The following ARL15 variants were observed in gnomAD, a reference collection of about 807,000 sequenced individuals.
The protein encoded by ARL15 is ADP-ribosylation factor-like protein 15.
A neutral mutation model predicts 25.2 loss-of-function variants in ARL15; 19 were observed. The observed-to-expected ratio is 0.75, with a 90% CI of 0.53 to 1.10. The LOEUF is 1.10. Among genes scored for constraint, ARL15 ranks in the 50% least tolerant of loss-of-function variants. The pLI is 0.00. For missense variants in ARL15, 220 were observed against 246.0 expected (o/e 0.89, Z 0.71); for synonymous variants, 94 against 86.8 (o/e 1.08, Z -0.46).
At chr5:54,239,378 A>G (rs1561279304) in intron 1 of ARL15, among the ~76,000 whole-genome samples, 2 of 152,114 alleles carry the variant, frequency 1.3e-5, no homozygotes, top group Non-Finnish European at 2.9e-5. Context: ...CCACCCCCCA[A>G]TTGTTAGTGT....
chr5:54,080,010 C>CACACAT (rs60910899), intron 4 of ARL15, among the ~76,000 whole-genome samples: 19 of 144,784 alleles, frequency 1.3e-4, no homozygotes, highest in East Asian at 2.1e-4. Context: ...CACACACACA[C>CACACAT]ACACACAGAC....
At chr5:53,956,941 C>G (rs1351515690) in intron 4 of ARL15, among the ~76,000 whole-genome samples, 1 of 151,894 alleles carries the variant, frequency 6.6e-6, no homozygotes, top group Non-Finnish European at 1.5e-5. Flanking sequence ...GAAAAATGAT[C>G]AGAGCCTAAA....
At chr5:53,956,032 AG>A (rs910986725) in intron 4 of ARL15, among the ~76,000 whole-genome samples, 4 of 152,102 alleles carry the variant, frequency 2.6e-5, no homozygotes, top group African/African-American at 9.7e-5. Context: ...GGCATTCAAA[AG>A]TGTCTATATA....
intron 4 of ARL15, among the ~76,000 whole-genome samples, chr5:54,111,833 T>A (rs1280203357): frequency 2.0e-5 from 3 of 152,122 alleles, no homozygotes; most frequent in Admixed American, 2.0e-4. Flanking sequence ...CATTACATAC[T>A]ATTATATCTA....
chr5:54,018,877 C>G (rs1749504073), intron 4 of ARL15, among the ~76,000 whole-genome samples: 1 of 152,066 alleles, frequency 6.6e-6, no homozygotes, highest in South Asian at 2.1e-4. Flanking sequence ...GAACTAAACA[C>G]CCGGAGTGAA....
intron 1 of ARL15, among the ~76,000 whole-genome samples, chr5:54,217,601 T>G (rs1050390597): frequency 6.6e-6 from 1 of 152,136 alleles, no homozygotes; most frequent in Non-Finnish European, 1.5e-5. Flanking sequence ...TTAGCAGAGT[T>G]CAAAAGTATT....
At chr5:54,136,642 A>G (rs1370638073) in intron 3 of ARL15, among the ~76,000 whole-genome samples, 1 of 152,232 alleles carries the variant, frequency 6.6e-6, no homozygotes, top group Non-Finnish European at 1.5e-5. Flanking sequence ...GAAAGAGCTT[A>G]AGCACACAAG....
At chr5:53,887,256 G>T in intron 4 of ARL15, 2 of 620,276 alleles carry the variant, frequency 3.2e-6, no homozygotes, top group Non-Finnish European at 5.8e-6. Context: ...AGACATGAGA[G>T]CGTGTTTTCT....
At chr5:53,893,248 G>A (rs574084614) in intron 4 of ARL15, among the ~76,000 whole-genome samples, 6 of 152,216 alleles carry the variant, frequency 3.9e-5, no homozygotes, top group African/African-American at 1.4e-4. Context: ...ACGTGGCCAT[G>A]GTTTGAGTAT....
chr5:54,244,729 T>C (rs1187659019), intron 1 of ARL15, among the ~76,000 whole-genome samples: 1 of 151,748 alleles, frequency 6.6e-6, no homozygotes, highest in Non-Finnish European at 1.5e-5. Context: ...GCACTGTCCC[T>C]CCCCATCATT....
chr5:54,044,453 C>G (rs1032570359), intron 4 of ARL15, among the ~76,000 whole-genome samples: 1 of 151,998 alleles, frequency 6.6e-6, no homozygotes, highest in Non-Finnish European at 1.5e-5. Flanking sequence ...CCACGTTGGC[C>G]AAGCCGGTCT....
Position 54,125,075 on chromosome 5 carries a change from G to GTTTTTT in ARL15, c.254-11666_254-11665insAAAAAA, listed in dbSNP as rs774608441. The stretch of plus-strand genomic sequence containing the variant: ...TTCTGGTAAGCAAGTTTTTTGTTTT[G>GTTTTTT]TTTTGTTTTGTTTTTTTTTTTTTTG... On this transcript the variant is annotated intron_variant, in intron 3 of 4. Transcript: ENST00000504924. Among the ~76,000 whole-genome samples the GTTTTTT allele has an allele frequency of 9.2e-4, 124 of 134,934 alleles. 7 individuals are homozygous for GTTTTTT. The highest frequency in any genetic ancestry group is 2.6e-3 in the African/African-American group (90 of 34,202). The allele number at this position is 134,934 out of a possible 152,430, so 88.5% of individuals were successfully genotyped here.
At chr5:53,995,208 C>G (rs964076202) in intron 4 of ARL15, among the ~76,000 whole-genome samples, 5 of 147,734 alleles carry the variant, frequency 3.4e-5, no homozygotes, top group African/African-American at 1.3e-4. Context: ...ACTCAGGAGG[C>G]TGAGGCAGAG....
chr5:53,902,303 C>A (rs1034199637), intron 4 of ARL15, among the ~76,000 whole-genome samples: 2 of 152,204 alleles, frequency 1.3e-5, no homozygotes, highest in African/African-American at 4.8e-5. Context: ...CCTGCTAATC[C>A]AATATTGGCA....
chr5:54,022,288 A>C (rs1303627014), intron 4 of ARL15, among the ~76,000 whole-genome samples: 1 of 152,138 alleles, frequency 6.6e-6, no homozygotes, highest in Non-Finnish European at 1.5e-5. Flanking sequence ...TGGCATGCTG[A>C]GTGCTTTGAA....
chr5:54,180,276 GAGA>G (rs1375279014), intron 1 of ARL15, among the ~76,000 whole-genome samples: 1 of 152,296 alleles, frequency 6.6e-6, no homozygotes, highest in East Asian at 1.9e-4. Context: ...GCATGTGAAG[GAGA>G]AGGTCTATAA....
chr5:53,948,035 A>C (rs929376163), intron 4 of ARL15, among the ~76,000 whole-genome samples: 5 of 152,234 alleles, frequency 3.3e-5, no homozygotes, highest in Admixed American at 2.0e-4. Flanking sequence ...TTGCAGAAGG[A>C]AACAATAAAT....
At chr5:54,172,364 A>G (rs905800677) in intron 1 of ARL15, among the ~76,000 whole-genome samples, 2 of 152,168 alleles carry the variant, frequency 1.3e-5, no homozygotes, top group Non-Finnish European at 2.9e-5. Flanking sequence ...AAAGAAGACT[A>G]AAAAGACATA....
chr5:53,998,744 G>A (rs1748765214), intron 4 of ARL15, among the ~76,000 whole-genome samples: 1 of 152,154 alleles, frequency 6.6e-6, no homozygotes. Context: ...TGTGTTCCAG[G>A]CACTGTACTA....
Sources: gnomAD v4.1 joint callset for allele counts (sites outside exome capture counted in the v4.1 genomes callset) on GRCh38, gnomAD v4.1.1 for gene constraint, MANE v1.5 for transcripts, NCBI Gene and HGNC (gene_info 2026-07-23, HGNC 2026-07-21) for gene names.